Variants in MXRA8 observed in about 807,000 individuals in gnomAD.
The protein encoded by MXRA8 is matrix remodeling associated 8.
Under a neutral mutation model 51.4 loss-of-function variants are expected in MXRA8, and 44 were observed. The ratio of observed to expected loss-of-function variants is 0.86; its 90% CI spans 0.67 to 1.10. MXRA8 has a LOEUF of 1.10. Ranked by LOEUF, MXRA8 falls within the 50% of genes least tolerant of loss-of-function variation. The pLI is 0.00. For synonymous variants in MXRA8, 369 were observed against 293.5 expected (o/e 1.26, Z -2.63); for missense variants, 765 against 638.9 (o/e 1.20, Z -2.13).
At position 1,354,790 on chromosome 1, in the gene MXRA8, G is replaced by T. The variant is rs1171891062; in HGVS notation, c.841C>A (p.Leu281Met). The stretch of plus-strand genomic sequence containing the variant: ...AGGTGGAAGACGCGGCGTTCGTGCA[G>T]GCCACAGTAATGGTGGTGCAGGTGG... ...SCHLHHHYCG[L>M]HERRVFHLTV... Residue 281 changes from leucine (L) to methionine (M), a missense_variant, in exon 5 of 10, where the codon CTG (leucine) becomes ATG (methionine). By Grantham distance (15) the Leu-to-Met change is conservative (BLOSUM62 2). Coordinates refer to ENST00000309212, the MANE Select transcript of MXRA8 (RefSeq NM_032348.4). 3.1e-6 allele frequency: 5 copies of T among 1,612,242 alleles called. No individual in the cohort carries two copies. The East Asian group carries it at 8.9e-5, about 29-fold the overall frequency.
chr1:1,353,331 G>A lies in MXRA8; in HGVS notation c.*273C>T. On this transcript the variant is annotated 3_prime_UTR_variant, in exon 10 of 10. Coordinates refer to ENST00000309212, the MANE Select transcript of MXRA8 (RefSeq NM_032348.4). Reference sequence around the variant, plus strand: ...CCCCCAGCGGGCAGAGCCCAGAAGGGTCTGAGGGCATGATGGGCATCAGTG... The same window carrying A: ...CCCCCAGCGGGCAGAGCCCAGAAGGATCTGAGGGCATGATGGGCATCAGTG... 1.3e-6 allele frequency: 2 copies of A among 1,549,366 alleles called. No homozygotes were observed. The highest frequency in any genetic ancestry group is 1.7e-6 in the Non-Finnish European group (2 of 1,146,502).
Position 1,353,115 on chromosome 1 carries a change from G to C in MXRA8, c.*489C>G. ...TCGGTGGCAGGCAGCACCCCAGGAG[G>C]AGTGGGACTCCTGCCGAGGCTGACC... is the stretch of plus-strand genomic sequence containing the variant. On this transcript the variant is annotated 3_prime_UTR_variant, in exon 10 of 10. Coordinates refer to ENST00000309212, the MANE Select transcript of MXRA8 (RefSeq NM_032348.4). The C allele has an allele frequency of 1.1e-5, 8 of 701,046 alleles. No individual in the cohort carries two copies. Among genetic ancestry groups the C allele is most frequent in the Non-Finnish European group, 1.8e-5 (7 of 394,102 alleles). 43.4% of individuals were successfully genotyped at this position (701,046 alleles called of 1,614,324 possible). A position where few individuals can be genotyped will look rare whatever the true frequency, so the allele number is the denominator to read the frequency against.
rs1186728760 is a variant in MXRA8 at position 1,354,675 on chromosome 1, C to T, written c.949+7G>A. The T allele has an allele frequency of 1.3e-6, 2 of 1,564,416 alleles. No homozygotes were observed. Among genetic ancestry groups the T allele is most frequent in the Non-Finnish European group, 1.7e-6 (2 of 1,156,778 alleles). ...GCCTTCCCGGGTCCCAGGGAGGCCT[C>T]CTTCACCTGGGCCTGGGGCGCCGCT... On this transcript the variant is annotated splice_region_variant and intron_variant, in intron 5 of 9. Transcript: ENST00000309212.
rs540410422 is a variant in MXRA8, at chr1:1,358,377, G to C, written c.49+79C>G. ...TCCCACTCCTCCTGGCCCAAGCTCAGATGGGCGGTTTTGTCCGAAACGGAC... is the reference window on the plus strand; with the variant it reads ...TCCCACTCCTCCTGGCCCAAGCTCACATGGGCGGTTTTGTCCGAAACGGAC... On this transcript the variant is annotated intron_variant, in intron 1 of 9. Transcript: ENST00000309212. 7.2e-5 allele frequency: 106 copies of C among 1,475,532 alleles called. No homozygotes were observed. In the African/African-American group the frequency reaches 1.3e-3, roughly 18 times the overall value. 91.4% of individuals were successfully genotyped at this position (1,475,532 alleles called of 1,614,324 possible).
At chr1:1,363,513 C>T (rs1307517437), upstream of MXRA8, among the ~76,000 whole-genome samples, 1 of 151,716 alleles carries the variant, frequency 6.6e-6, no homozygotes. Context: ...AGAATCACCG[C>T]AACCTCTGCC....
rs1359457208 is a variant in MXRA8 at position 1,356,522 on chromosome 1, G to A, written c.73+159C>T. On this transcript the variant is annotated intron_variant, in intron 2 of 9. Coordinates refer to ENST00000309212, the MANE Select transcript of MXRA8 (RefSeq NM_032348.4). ...AGGGGAAGAGGAGTCATTGGGGGAG[G>A]GGGAGTTATTGGCAAGGGGAGGTGC... 3.4e-5 allele frequency among the ~76,000 whole-genome samples: 5 copies of A among 148,968 alleles called. No homozygotes were observed. The East Asian group carries it at 1.0e-3, about 30-fold the overall frequency.
Position 1,355,704 on chromosome 1 carries a change from G to T in MXRA8, c.122C>A (p.Ala41Glu). ...CCGGGCGCCCGCCTCCCAGCTCACC[G>T]CGGACTCGGACACCACGGAGCTGCC... ...AAGSSVVSESAVSWEAGARAV... is the reference protein window; with the variant it reads ...AAGSSVVSESEVSWEAGARAV... Residue 41 changes from alanine (A) to glutamate (E), a missense_variant, in exon 3 of 10, where the codon GCG (alanine) becomes GAG (glutamate). Transcript: ENST00000309212. 1 of 1,337,052 alleles carries T rather than the reference G, an allele frequency of 7.5e-7. No individual in the cohort carries two copies. Among genetic ancestry groups the T allele is most frequent in the Non-Finnish European group, 9.5e-7 (1 of 1,050,138 alleles). The allele number at this position is 1,337,052 out of a possible 1,614,324, so 82.8% of individuals were successfully genotyped here.
chr1:1,354,280 C>T (rs1644070160), intron 6 of MXRA8, 48 bp from the exon 7 acceptor site: 1 of 1,602,672 alleles, frequency 6.2e-7, no homozygotes, highest in East Asian at 2.2e-5. Context: ...TTCCGCAGGT[C>T]CCCCAGCCCA....
Position 1,354,080 on chromosome 1 carries a change from G to A in MXRA8, c.1172C>T (p.Ala391Val). 6.2e-7 allele frequency: 1 copy of A among 1,612,990 alleles called. No individual in the cohort carries two copies. ...KGKDVNLAEFAVAAGDQMLYR... is the reference protein window; with the variant it reads ...KGKDVNLAEFVVAAGDQMLYR... ...AAGCATCTGGTCCCCTGCAGCCACAGCGAACTCCGCCAAGTTAACATCCTT... is the reference window on the plus strand; with the variant it reads ...AAGCATCTGGTCCCCTGCAGCCACAACGAACTCCGCCAAGTTAACATCCTT... Residue 391 changes from alanine to valine, a missense_variant, in exon 8 of 10, where the codon GCT becomes GTT. Coordinates refer to ENST00000309212, the MANE Select transcript of MXRA8 (RefSeq NM_032348.4).
rs1194757839 is a variant in MXRA8, at chr1:1,354,035, T to C, written c.1217A>G (p.Gln406Arg). ...GTGTCCCAGCACTGCCTCACCTAGCTGGATGTCCTCACTCCTGTAAAGCAT... is the reference window on the plus strand; with the variant it reads ...GTGTCCCAGCACTGCCTCACCTAGCCGGATGTCCTCACTCCTGTAAAGCAT... Reference protein sequence around the residue: ...DQMLYRSEDIQLDYKNNILKE... With the variant: ...DQMLYRSEDIRLDYKNNILKE... Residue 406 changes from glutamine (Q) to arginine (R), a missense_variant, in exon 8 of 10, where the codon CAG becomes CGG. Gln to Arg is a conservative substitution (Grantham distance 43). Coordinates refer to ENST00000309212, the MANE Select transcript of MXRA8 (RefSeq NM_032348.4). 3 of 1,612,818 alleles carry C rather than the reference T, an allele frequency of 1.9e-6. No individual in the cohort carries two copies. The highest frequency in any genetic ancestry group is 3.3e-5 in the Admixed American group (2 of 60,002).
rs1322367962 is a variant in MXRA8 at position 1,354,745 on chromosome 1, C to G, written c.886G>C (p.Ala296Pro). Residue 296 changes from alanine to proline, a missense_variant, in exon 5 of 10, where the codon GCG becomes CCG. Physicochemically the swap from Ala to Pro is conservative, Grantham distance 27. Transcript: ENST00000309212. ...GGAGAGCCCCGGGGGGGCGGCTCCG[C>G]GTGGGGTTCGGCGACCGTCAGGTGG... The part of the protein sequence containing the change: ...VFHLTVAEPH[A>P]EPPPRGSPGN... The G allele has an allele frequency of 6.2e-7, 1 of 1,610,064 alleles. No homozygotes were observed. Among genetic ancestry groups the G allele is most frequent in the Non-Finnish European group, 8.5e-7 (1 of 1,178,914 alleles).
rs762558000 is a variant in MXRA8, at chr1:1,355,117, CCTT to C, written c.511_513del (p.Lys171del). The C allele has an allele frequency of 2.1e-5, 31 of 1,508,380 alleles. No individual in the cohort carries two copies. Among genetic ancestry groups the C allele is most frequent in the Non-Finnish European group, 2.5e-5 (28 of 1,141,642 alleles). 93.4% of individuals were successfully genotyped at this position (1,508,380 alleles called of 1,614,324 possible). The stretch of plus-strand genomic sequence containing the variant: ...GCGCCGCGCGCCACCGCCAGCACCT[CCTT>C]CTCGCCGTCCCAGTAGGCGGGGGTG... On this transcript the variant is annotated inframe_deletion, in exon 5 of 10. Transcript: ENST00000309212.
intron 5 of MXRA8, 35 bp downstream of exon 5, chr1:1,354,647 C>T (rs1430085006): frequency 3.9e-6 from 6 of 1,538,508 alleles, no homozygotes; most frequent in Non-Finnish European, 5.2e-6. Context: ...GGGGTGGGCT[C>T]CCGCCTTCCC....
At chr1:1,354,280 C>A in intron 6 of MXRA8, 48 bp from the exon 7 acceptor site, 1 of 1,602,672 alleles carries the variant, frequency 6.2e-7, no homozygotes, top group Non-Finnish European at 8.5e-7. Context: ...TTCCGCAGGT[C>A]CCCCAGCCCA....
At chr1:1,362,949 G>A (rs1303146210), upstream of MXRA8, among the ~76,000 whole-genome samples, 1 of 152,100 alleles carries the variant, frequency 6.6e-6, no homozygotes, top group Admixed American at 6.6e-5. Context: ...CAGGCGTGGT[G>A]GCAGGTGCCT....
upstream of MXRA8, among the ~76,000 whole-genome samples, chr1:1,359,772 G>T (rs112044473): frequency 3.9e-5 from 6 of 152,188 alleles, no homozygotes; most frequent in African/African-American, 1.2e-4. Flanking sequence ...TGGCCCGGGC[G>T]GCGACCTTTC....
chr1:1,361,659 G>A (rs559452863), upstream of MXRA8: 157 of 294,568 alleles, frequency 5.3e-4, no homozygotes, highest in Admixed American at 6.0e-3. Flanking sequence ...AACCGTATTC[G>A]CCGCCGCCGC....
chr1:1,357,095 C>T (rs915051673), intron 1 of MXRA8, among the ~76,000 whole-genome samples: 9 of 152,174 alleles, frequency 5.9e-5, no homozygotes, highest in African/African-American at 1.7e-4. Flanking sequence ...GGTCCTTGGA[C>T]CCTCAGACGC....
At position 1,353,008 on chromosome 1, in the gene MXRA8, G is replaced by A. The variant is rs1359566174; in HGVS notation, c.*596C>T. ...GGCCCAAAGCAACACAGAGGAGCAA[G>A]GGCTGGCATTCAAGTCAGCAGGTCC... On this transcript the variant is annotated 3_prime_UTR_variant, in exon 10 of 10. Coordinates refer to ENST00000309212, the MANE Select transcript of MXRA8 (RefSeq NM_032348.4). 3.7e-6 allele frequency: 2 copies of A among 541,698 alleles called. No homozygotes were observed. The highest frequency in any genetic ancestry group is 3.9e-5 in the African/African-American group (2 of 51,682). 33.6% of individuals were successfully genotyped at this position (541,698 alleles called of 1,614,324 possible). A position where few individuals can be genotyped will look rare whatever the true frequency, so the allele number is the denominator to read the frequency against.
Sources: gnomAD v4.1 joint callset for allele counts (sites outside exome capture counted in the v4.1 genomes callset) on GRCh38, gnomAD v4.1.1 for gene constraint, MANE v1.5 for transcripts, NCBI Gene and HGNC (gene_info 2026-07-23, HGNC 2026-07-21) for gene names.